ULK4: variants seen among roughly 807,000 people sequenced by gnomAD.
ULK4 encodes the protein inactive serine/threonine-protein kinase ULK4.
Under a neutral mutation model 160.6 loss-of-function variants are expected in ULK4, and 133 were observed. The observed-to-expected ratio is 0.83, with a 90% CI of 0.72 to 0.96. ULK4 has a LOEUF of 0.96. ULK4 is among the 40% of genes least tolerant of loss of function. ULK4 has a pLI of 0.00. For synonymous variants in ULK4, 534 were observed against 539.8 expected (o/e 0.99, Z 0.15); for missense variants, 1,580 against 1,499.5 (o/e 1.05, Z -0.89).
At chr3:41,518,320 T>C (rs1057273975) in intron 32 of ULK4, among the ~76,000 whole-genome samples, 3 of 152,202 alleles carry the variant, frequency 2.0e-5, no homozygotes, top group Non-Finnish European at 4.4e-5. Flanking sequence ...ATTTAAAATG[T>C]TAATGCTGGA....
intron 35 of ULK4, among the ~76,000 whole-genome samples, chr3:41,375,124 A>G (rs960734015): frequency 1.4e-4 from 21 of 152,322 alleles, no homozygotes; most frequent in African/African-American, 4.6e-4. Context: ...CTGCTCGACG[A>G]AATAAAAGAG....
chr3:41,881,650 G>A (rs1697525983), intron 17 of ULK4, among the ~76,000 whole-genome samples: 1 of 152,116 alleles, frequency 6.6e-6, no homozygotes, highest in Non-Finnish European at 1.5e-5. Context: ...ACAATACAGT[G>A]TAATTCAAAA....
In ULK4 at chr3:41,912,987, T is replaced by A. The variant is rs573639475; in HGVS notation, c.804-88A>T. The A allele has an allele frequency of 1.4e-4, 162 of 1,139,074 alleles. 6 individuals are homozygous for A. The South Asian group carries it at 2.1e-3, about 15-fold the overall frequency. The allele number at this position is 1,139,074 out of a possible 1,614,324, so 70.6% of individuals were successfully genotyped here. ...ACATGTCCCAATTACACATAGCAGA[T>A]TTTACAAGGTACACATGTACCTTTG... is the stretch of plus-strand genomic sequence containing the variant. On this transcript the variant is annotated intron_variant, in intron 8 of 36. Coordinates refer to ENST00000301831, the MANE Select transcript of ULK4 (RefSeq NM_017886.4).
intron 18 of ULK4, among the ~76,000 whole-genome samples, chr3:41,831,531 A>ATATTTTTTTTTTTTTT: frequency 7.2e-6 from 1 of 138,066 alleles, no homozygotes; most frequent in African/African-American, 2.8e-5. Context: ...ATATATATAT[A>ATATTTTTTTTTTTTTT]TTTTTTTTTC....
At chr3:41,333,740 C>T (rs919318750) in intron 35 of ULK4, among the ~76,000 whole-genome samples, 22 of 152,026 alleles carry the variant, frequency 1.4e-4, no homozygotes, top group Non-Finnish European at 2.8e-4. Context: ...GCTGGCTGTT[C>T]GGGATAGAAA....
chr3:41,890,410 T>C (rs1167375891), intron 16 of ULK4, among the ~76,000 whole-genome samples: 1 of 152,090 alleles, frequency 6.6e-6, no homozygotes, highest in Non-Finnish European at 1.5e-5. Flanking sequence ...CTAGGCATCG[T>C]GGCTCACACC....
intron 32 of ULK4, among the ~76,000 whole-genome samples, chr3:41,530,523 T>G (rs143555164): frequency 2.3e-4 from 35 of 152,172 alleles, no homozygotes; most frequent in African/African-American, 8.4e-4. Flanking sequence ...CCAACTTTAT[T>G]GGTCCATTGG....
At chr3:41,933,292 T>C (rs1699656811) in intron 4 of ULK4, among the ~76,000 whole-genome samples, 1 of 152,202 alleles carries the variant, frequency 6.6e-6, no homozygotes, top group Admixed American at 6.5e-5. Context: ...AGAGGACCAC[T>C]GGCAGGGATC....
chr3:41,873,881 GTT>G (rs767683719), intron 17 of ULK4, among the ~76,000 whole-genome samples: 1 of 113,516 alleles, frequency 8.8e-6, no homozygotes. Flanking sequence ...GGTTTTTTTT[GTT>G]TTTTTTTTTT....
chr3:41,859,779 T>G (rs2042454020), intron 17 of ULK4, among the ~76,000 whole-genome samples: 1 of 149,890 alleles, frequency 6.7e-6, no homozygotes, highest in Non-Finnish European at 1.5e-5. Context: ...TGCCTTGGCC[T>G]CCCCAGTAGC....
At position 41,436,429 on chromosome 3, in the gene ULK4, A is replaced by G. The variant is rs1440188226; in HGVS notation, c.3492+19068T>C. 2.0e-5 allele frequency among the ~76,000 whole-genome samples: 3 copies of G among 152,194 alleles called. No homozygotes were observed. The East Asian group carries it at 5.8e-4, about 29-fold the overall frequency. The stretch of plus-strand genomic sequence containing the variant: ...CATAGTTTTATTTGAAACTGATACC[A>G]GGTATTTTTCATTATCTGTTACTAT... On this transcript the variant is annotated intron_variant, in intron 34 of 36. Transcript: ENST00000301831.
At chr3:41,614,110 T>C (rs560128063) in intron 31 of ULK4, among the ~76,000 whole-genome samples, 12 of 152,352 alleles carry the variant, frequency 7.9e-5, no homozygotes, top group African/African-American at 2.9e-4. Context: ...GAATTTTTTA[T>C]GTTGAGATTT....
At chr3:41,468,337 G>A (rs1393062773) in intron 32 of ULK4, among the ~76,000 whole-genome samples, 1 of 152,188 alleles carries the variant, frequency 6.6e-6, no homozygotes, top group Non-Finnish European at 1.5e-5. Flanking sequence ...TGAGGGTCGA[G>A]TAAGTCCCAA....
chr3:41,823,014 G>A (rs1027770273), intron 18 of ULK4, among the ~76,000 whole-genome samples: 5 of 141,480 alleles, frequency 3.5e-5, no homozygotes, highest in African/African-American at 6.0e-5. Context: ...GAGCCACCAC[G>A]CCCGGCCGAG....
chr3:41,668,072 G>C (rs930749840), intron 29 of ULK4, among the ~76,000 whole-genome samples: 2 of 152,150 alleles, frequency 1.3e-5, no homozygotes, highest in African/African-American at 4.8e-5. Flanking sequence ...GTCAAGTGAA[G>C]GAAAGTGTCT....
At chr3:41,300,417 T>C (rs1261179806) in intron 35 of ULK4, among the ~76,000 whole-genome samples, 1 of 152,190 alleles carries the variant, frequency 6.6e-6, no homozygotes, top group Non-Finnish European at 1.5e-5. Flanking sequence ...TTCCGCTAAA[T>C]GTATGCTTAT....
chr3:41,772,396 C>G (rs536555140), intron 21 of ULK4, among the ~76,000 whole-genome samples: 2 of 151,764 alleles, frequency 1.3e-5, no homozygotes, highest in East Asian at 1.9e-4. Flanking sequence ...ATATCACCAC[C>G]GATCCCACAG....
intron 17 of ULK4, among the ~76,000 whole-genome samples, chr3:41,850,222 T>C (rs948216417): frequency 1.3e-5 from 2 of 152,202 alleles, no homozygotes; most frequent in Non-Finnish European, 2.9e-5. Flanking sequence ...TGTGGGACAT[T>C]TGGGTTGGTT....
At chr3:41,365,588 A>G (rs1199140413) in intron 35 of ULK4, among the ~76,000 whole-genome samples, 1 of 152,182 alleles carries the variant, frequency 6.6e-6, no homozygotes, top group South Asian at 2.1e-4. Flanking sequence ...TCCTCATAAC[A>G]ATTTTATGGT....
Sources: allele counts gnomAD v4.1 joint callset (sites outside exome capture counted in the v4.1 genomes callset), GRCh38; gene constraint gnomAD v4.1.1; transcripts MANE v1.5; gene names NCBI Gene and HGNC (gene_info 2026-07-23, HGNC 2026-07-21).